The following CA10 variants were observed in gnomAD, a reference collection of about 807,000 sequenced individuals.
CA10 encodes the protein carbonic anhydrase 10 (inactive).
CA10 carries 14 observed loss-of-function variants against 44.2 expected under a neutral mutation model. That is an observed-to-expected ratio of 0.32 (90% CI 0.21 to 0.50). CA10 has a LOEUF of 0.50. CA10 is among the 20% of genes least tolerant of loss of function. CA10 has a pLI of 0.99. For synonymous variants in CA10, 159 were observed against 141.6 expected, an observed-to-expected ratio of 1.12 and a Z score of -0.87; for missense variants, 350 against 409.7, an observed-to-expected ratio of 0.85 and a Z score of 1.26.
chr17:51,852,165 C>T (rs1334857390), intron 3 of CA10, among the ~76,000 whole-genome samples: 2 of 152,194 alleles, frequency 1.3e-5, no homozygotes, highest in Admixed American at 1.3e-4. Flanking sequence ...AGGGCAGAAG[C>T]ACCCGGTTTG....
At chr17:51,810,726 AGGGTGACACAAGATT>A (rs1567847209) in intron 3 of CA10, among the ~76,000 whole-genome samples, 1 of 152,216 alleles carries the variant, frequency 6.6e-6, no homozygotes, top group African/African-American at 2.4e-5. Context: ...AAGACACATT[AGGGTGACACAAGATT>A]GGGGATGAGG....
chr17:51,742,457 T>C (rs1232507858), intron 4 of CA10, among the ~76,000 whole-genome samples: 1 of 152,182 alleles, frequency 6.6e-6, no homozygotes, highest in Non-Finnish European at 1.5e-5. Flanking sequence ...TTTCATACCC[T>C]AGCACACTTC....
At chr17:51,817,954 A>G (rs895481928) in intron 3 of CA10, among the ~76,000 whole-genome samples, 1 of 152,254 alleles carries the variant, frequency 6.6e-6, no homozygotes, top group African/African-American at 2.4e-5. Context: ...TTCCATGTCC[A>G]GCAGTCTATA....
intron 2 of CA10, among the ~76,000 whole-genome samples, chr17:52,049,681 C>T (rs1201404194): frequency 6.6e-6 from 1 of 152,022 alleles, no homozygotes; most frequent in East Asian, 1.9e-4. Context: ...TGTATGTTGG[C>T]AGGAGACAAA....
At chr17:51,679,468 A>T (rs562340286) in intron 4 of CA10, among the ~76,000 whole-genome samples, 19 of 151,716 alleles carry the variant, frequency 1.3e-4, no homozygotes, top group Admixed American at 1.2e-3. Context: ...TCACCGTGTT[A>T]GCCAGGATGG....
In CA10 at chr17:51,753,995, C is replaced by A. The variant is rs995567148; in HGVS notation, c.280-6177G>T. ...AGTAGCTGGGATTACAGGTACCTGC[C>A]ATCACGCCCAGCTAATTTTTATATT... On this transcript the variant is annotated intron_variant, in intron 3 of 8. Coordinates refer to ENST00000451037, the MANE Select transcript of CA10 (RefSeq NM_020178.5). Among the ~76,000 whole-genome samples the A allele has an allele frequency of 7.9e-5, 12 of 152,162 alleles. No homozygotes were observed. In the South Asian group the frequency reaches 2.5e-3, roughly 32 times the overall value.
chr17:51,964,391 A>T (rs1028203887), intron 2 of CA10, among the ~76,000 whole-genome samples: 3 of 151,942 alleles, frequency 2.0e-5, no homozygotes, highest in African/African-American at 7.2e-5. Context: ...GAACTTAGAC[A>T]TTTTGACCAG....
At chr17:52,046,382 G>A (rs1986913039) in intron 2 of CA10, among the ~76,000 whole-genome samples, 1 of 151,096 alleles carries the variant, frequency 6.6e-6, no homozygotes, top group Admixed American at 6.6e-5. Flanking sequence ...GGGAAGGAAG[G>A]AATTTATCAC....
chr17:52,075,722 C>T (rs1278137172), intron 1 of CA10, among the ~76,000 whole-genome samples: 9 of 152,178 alleles, frequency 5.9e-5, no homozygotes, highest in African/African-American at 1.7e-4. Context: ...CCCCCAGAAA[C>T]GGTGACATCC....
At chr17:51,794,804 G>T (rs1219209611) in intron 3 of CA10, among the ~76,000 whole-genome samples, 7 of 152,170 alleles carry the variant, frequency 4.6e-5, no homozygotes, top group African/African-American at 1.7e-4. Flanking sequence ...TGTAGTAATT[G>T]CAGTTTAACC....
chr17:51,865,195 A>G (rs1598088762), intron 3 of CA10, among the ~76,000 whole-genome samples: 2 of 152,006 alleles, frequency 1.3e-5, no homozygotes, highest in Admixed American at 1.3e-4. Flanking sequence ...TTCCTGCTTT[A>G]TTTTTCTCCA....
At chr17:51,932,415 G>T (rs540622893) in intron 2 of CA10, among the ~76,000 whole-genome samples, 2 of 152,238 alleles carry the variant, frequency 1.3e-5, no homozygotes, top group South Asian at 4.1e-4. Flanking sequence ...GGAGACACTT[G>T]CCAAAGATAC....
At chr17:51,949,270 T>TA (rs1199213221) in intron 2 of CA10, among the ~76,000 whole-genome samples, 1 of 152,202 alleles carries the variant, frequency 6.6e-6, no homozygotes, top group Non-Finnish European at 1.5e-5. Context: ...GCACACATGC[T>TA]ACTGCATCTA....
chr17:51,909,079 C>A (rs1398838999), intron 3 of CA10, among the ~76,000 whole-genome samples: 1 of 152,124 alleles, frequency 6.6e-6, no homozygotes, highest in African/African-American at 2.4e-5. Flanking sequence ...CATGCTCCAG[C>A]GCACATGATA....
intron 3 of CA10, among the ~76,000 whole-genome samples, chr17:51,775,823 T>C (rs1332185354): frequency 6.6e-6 from 1 of 151,966 alleles, no homozygotes; most frequent in Non-Finnish European, 1.5e-5. Context: ...GCAGAGTATG[T>C]ATGTGGGGAA....
chr17:51,787,193 G>A (rs1906322565), intron 3 of CA10, among the ~76,000 whole-genome samples: 1 of 152,194 alleles, frequency 6.6e-6, no homozygotes, highest in Non-Finnish European at 1.5e-5. Context: ...CTCATAGAAT[G>A]AACTTGGAAG....
At chr17:51,827,325 G>C (rs1015476525) in intron 3 of CA10, among the ~76,000 whole-genome samples, 1 of 145,500 alleles carries the variant, frequency 6.9e-6, no homozygotes, top group African/African-American at 2.8e-5. Flanking sequence ...CACTAGGAGA[G>C]AAACACGCAC....
At chr17:52,121,104 T>G (rs2143316445) in intron 1 of CA10, among the ~76,000 whole-genome samples, 1 of 152,330 alleles carries the variant, frequency 6.6e-6, no homozygotes, top group Non-Finnish European at 1.5e-5. Context: ...TTTCCATGTC[T>G]TTGCCATATG....
intron 4 of CA10, among the ~76,000 whole-genome samples, chr17:51,683,820 C>T (rs1302689406): frequency 1.3e-5 from 2 of 152,110 alleles, no homozygotes; most frequent in Non-Finnish European, 2.9e-5. Flanking sequence ...ACTGGATTAA[C>T]ATGGATAAAT....
Sources: gnomAD v4.1 joint callset for allele counts (sites outside exome capture counted in the v4.1 genomes callset) on GRCh38, gnomAD v4.1.1 for gene constraint, MANE v1.5 for transcripts, NCBI Gene and HGNC (gene_info 2026-07-23, HGNC 2026-07-21) for gene names.